Variants in INSYN2A observed in about 807,000 individuals in gnomAD.
INSYN2A encodes the protein inhibitory synaptic factor 2A.
Under a neutral mutation model 39.4 loss-of-function variants are expected in INSYN2A, and 17 were observed. The observed-to-expected ratio is 0.43, with a 90% CI of 0.30 to 0.65. The LOEUF is 0.65. Among genes scored for constraint, INSYN2A ranks in the 30% least tolerant of loss-of-function variants. The pLI is 0.14. For synonymous variants in INSYN2A, 255 were observed against 265.7 expected (o/e 0.96, Z 0.39); for missense variants, 595 against 631.2 (o/e 0.94, Z 0.61).
chr10:127,166,097 G>T (rs1459704947), intron 4 of INSYN2A, among the ~76,000 whole-genome samples: 3 of 151,906 alleles, frequency 2.0e-5, no homozygotes, highest in Non-Finnish European at 2.9e-5. Flanking sequence ...ACAGAGTCTC[G>T]CTCTGTAGCG....
chr10:127,176,318 C>T lies in INSYN2A; in HGVS notation c.78G>A (p.Leu26=), dbSNP rs769939553. The T allele has an allele frequency of 3.1e-6, 5 of 1,613,976 alleles. No homozygotes were observed. The East Asian group carries it at 1.1e-4, about 36-fold the overall frequency. ...TGGGGTCCAGGGCGTATTTCATCTC[C>T]AGGGCCAGGCAGGCGGCGGGTTCCA... ...SEVEPAACLA[L]EMKYALDPNR... The change falls in exon 4 of 6, where the codon CTG becomes CTA. Residue 26 remains leucine, a synonymous_variant. Transcript: ENST00000522781. The surrounding 1 kb of genome is among the most constrained non-coding windows in gnomAD (Gnocchi z 4.4).
chr10:127,168,450 A>G (rs925537983), intron 4 of INSYN2A, among the ~76,000 whole-genome samples: 1 of 152,184 alleles, frequency 6.6e-6, no homozygotes. Context: ...GCTGCTCACA[A>G]TGCCCTGCTT....
At chr10:127,173,243 C>T (rs1469757899) in intron 4 of INSYN2A, among the ~76,000 whole-genome samples, 2 of 95,664 alleles carry the variant, frequency 2.1e-5, no homozygotes, top group East Asian at 4.1e-4. Context: ...ATTCCATCCC[C>T]TGTCTGCAGG....
At chr10:127,177,286 C>G (rs1163426936) in intron 2 of INSYN2A, 147 bp from the exon 3 acceptor site, 7 of 152,260 alleles carry the variant, frequency 4.6e-5, no homozygotes, top group Admixed American at 1.3e-4. Flanking sequence ...GTTAATCATG[C>G]AAATTCATCC....
At position 127,142,744 on chromosome 10, in the gene INSYN2A, C is replaced by G. The variant is rs375469995; in HGVS notation, c.1257-4724G>C. On this transcript the variant is annotated intron_variant, in intron 5 of 5. Transcript: ENST00000522781. ...CCCTCCAGATAAGGGAACCATCCAC[C>G]CAAACACTCTGTGCCCTGGGGCTGT... Among the ~76,000 whole-genome samples the G allele has an allele frequency of 7.2e-5, 11 of 152,280 alleles. No individual in the cohort carries two copies. The South Asian group carries it at 2.1e-3, about 29-fold the overall frequency.
intron 5 of INSYN2A, among the ~76,000 whole-genome samples, chr10:127,141,676 CAAA>C (rs796870030): frequency 3.6e-5 from 5 of 139,900 alleles, no homozygotes; most frequent in Non-Finnish European, 6.3e-5. Flanking sequence ...GTCTTTAAAA[CAAA>C]AAAAAAAAAA....
In INSYN2A at chr10:127,135,472, G is replaced by A. The variant is rs1478495353; in HGVS notation, c.*2365C>T. 3 of 152,474 alleles carry A rather than the reference G, an allele frequency of 2.0e-5. No individual in the cohort carries two copies. The highest frequency in any genetic ancestry group is 2.9e-5 in the Non-Finnish European group (2 of 68,024). 9.4% of individuals were successfully genotyped at this position (152,474 alleles called of 1,614,324 possible). A position where few individuals can be genotyped will look rare whatever the true frequency, so the allele number is the denominator to read the frequency against. Reference sequence around the variant, plus strand: ...TTTAAAAATTAATAAAGAACTTAACGACAAGTATAATAATTTAATCTCTAT... The same window carrying A: ...TTTAAAAATTAATAAAGAACTTAACAACAAGTATAATAATTTAATCTCTAT... On this transcript the variant is annotated 3_prime_UTR_variant, in exon 6 of 6. Coordinates refer to ENST00000522781, the MANE Select transcript of INSYN2A (RefSeq NM_001039762.3).
At chr10:127,193,569 G>A (rs928882650) in intron 1 of INSYN2A, among the ~76,000 whole-genome samples, 7 of 152,148 alleles carry the variant, frequency 4.6e-5, no homozygotes, top group Non-Finnish European at 1.5e-5. Flanking sequence ...CCATGGCTGG[G>A]CGCAAACAAG....
At position 127,156,535 on chromosome 10, in the gene INSYN2A, TTTCTTCTTC is replaced by T. The variant is rs542677102; in HGVS notation, c.1185-2621_1185-2613del. On this transcript the variant is annotated intron_variant, in intron 4 of 5. Transcript: ENST00000522781. ...CTTTTCTTTACTTTTCTTTTCTCTT[TTTCTTCTTC>T]TTCTTCTTCTTCTTCTTCTTTTTTT... Among the ~76,000 whole-genome samples the T allele has an allele frequency of 8.7e-3, 819 of 94,176 alleles. 8 individuals are homozygous for T. Among genetic ancestry groups the T allele is most frequent in the Non-Finnish European group, 0.011 (554 of 49,586 alleles). 61.8% of individuals were successfully genotyped at this position (94,176 alleles called of 152,430 possible).
chr10:127,173,434 G>T (rs1285885204), intron 4 of INSYN2A, among the ~76,000 whole-genome samples: 1 of 152,146 alleles, frequency 6.6e-6, no homozygotes, highest in East Asian at 1.9e-4. Context: ...TTCCATACTT[G>T]TTCTAAGAGG....
chr10:127,160,562 C>G (rs2053512350), intron 4 of INSYN2A, among the ~76,000 whole-genome samples: 1 of 152,188 alleles, frequency 6.6e-6, no homozygotes, highest in Non-Finnish European at 1.5e-5. Flanking sequence ...GAGCTTCTAG[C>G]ATGTCAGGGA....
intron 5 of INSYN2A, among the ~76,000 whole-genome samples, chr10:127,143,908 A>C (rs2051525756): frequency 6.6e-6 from 1 of 152,122 alleles, no homozygotes; most frequent in Admixed American, 6.5e-5. Flanking sequence ...CATGTCCAGA[A>C]CCAGATCTTT....
intron 2 of INSYN2A, among the ~76,000 whole-genome samples, chr10:127,191,400 A>T (rs1214401431): frequency 6.6e-6 from 1 of 152,156 alleles, no homozygotes; most frequent in Non-Finnish European, 1.5e-5. Flanking sequence ...GAACAAAGCC[A>T]TCTGCATATC....
chr10:127,165,966 G>A (rs1185105648), intron 4 of INSYN2A, among the ~76,000 whole-genome samples: 2 of 152,206 alleles, frequency 1.3e-5, no homozygotes, highest in Non-Finnish European at 2.9e-5. Context: ...ACCAGGCCTG[G>A]GAGGGTAGGA....
rs555552846 is a variant in INSYN2A, at chr10:127,190,390, A to G, written c.-269+2215T>C. On this transcript the variant is annotated intron_variant, in intron 2 of 5. Coordinates refer to ENST00000522781, the MANE Select transcript of INSYN2A (RefSeq NM_001039762.3). ...TTACAAGTGGAAATGGAAGAAAACA[A>G]TTCTTTCCCAATCAGGATTCCCTGA... 4.6e-5 allele frequency among the ~76,000 whole-genome samples: 7 copies of G among 152,320 alleles called. No individual in the cohort carries two copies. In the South Asian group the frequency reaches 1.2e-3, roughly 27 times the overall value.
intron 2 of INSYN2A, among the ~76,000 whole-genome samples, chr10:127,188,736 C>A (rs998573670): frequency 1.3e-5 from 2 of 152,196 alleles, no homozygotes; most frequent in African/African-American, 4.8e-5. Context: ...GAGCAAAGAT[C>A]AGAAAAGGTA....
intron 2 of INSYN2A, among the ~76,000 whole-genome samples, chr10:127,188,769 A>C (rs2056502923): frequency 6.6e-6 from 1 of 152,240 alleles, no homozygotes; most frequent in African/African-American, 2.4e-5. Context: ...AACACTCAGC[A>C]CAAGCTAGGT....
At chr10:127,188,349 GA>G (rs2056464169) in intron 2 of INSYN2A, among the ~76,000 whole-genome samples, 1 of 152,202 alleles carries the variant, frequency 6.6e-6, no homozygotes, top group South Asian at 2.1e-4. Flanking sequence ...TCACTGAGCA[GA>G]CCCATAGTAG....
chr10:127,145,873 C>G (rs980044171), intron 5 of INSYN2A: 6 of 402,658 alleles, frequency 1.5e-5, no homozygotes, highest in African/African-American at 8.3e-5. Flanking sequence ...TGTGTGTCAT[C>G]TGGTGTCACC....
Sources: allele counts gnomAD v4.1 joint callset (sites outside exome capture counted in the v4.1 genomes callset), GRCh38; gene constraint gnomAD v4.1.1; non-coding constraint Gnocchi (gnomAD v3.1); transcripts MANE v1.5; gene names NCBI Gene and HGNC (gene_info 2026-07-23, HGNC 2026-07-21).